LAMA4: variants seen among roughly 807,000 people sequenced by gnomAD.
LAMA4 encodes laminin subunit alpha-4.
A neutral mutation model predicts 207.1 loss-of-function variants in LAMA4; 127 were observed. The ratio of observed to expected loss-of-function variants is 0.61; its 90% confidence interval spans 0.53 to 0.71. The LOEUF (loss-of-function observed/expected upper bound fraction) is 0.71. LAMA4 is among the 30% of genes least tolerant of loss of function. The probability of loss-of-function intolerance (pLI) is 0.00; values close to 1 mark genes in which losing one functional copy is unlikely to be tolerated. For synonymous variants in LAMA4, 761 were observed against 816.0 expected (o/e 0.93, Z 1.15); for missense variants, 2,093 against 2,246.5 (o/e 0.93, Z 1.38).
At chr6:112,233,753 T>C (rs73764721) in intron 2 of LAMA4, among the ~76,000 whole-genome samples, 6,749 of 152,270 alleles carry the variant, frequency 0.044, 519 homozygotes, top group African/African-American at 0.15. Flanking sequence ...TTATATTCTG[T>C]CTGTTGTTTC....
chr6:112,141,632 C>G, intron 20 of LAMA4, 129 bp from the exon 21 acceptor site: 2 of 749,586 alleles, frequency 2.7e-6, no homozygotes, highest in Non-Finnish European at 4.6e-6. Context: ...AATTATTATC[C>G]GAAGCTCCTG....
chr6:112,200,133 C>G (rs529606422), intron 5 of LAMA4: 1 of 533,078 alleles, frequency 1.9e-6, no homozygotes, highest in Admixed American at 1.9e-5. Flanking sequence ...AATATCTTAC[C>G]GAGTCATTCA....
At position 112,122,173 on chromosome 6, in the gene LAMA4, CA is replaced by C; in HGVS notation, c.4315del (p.Trp1439GlyfsTer6). 6.2e-7 allele frequency: 1 copy of C among 1,613,716 alleles called. No homozygotes were observed. Among genetic ancestry groups the C allele is most frequent in the Non-Finnish European group, 8.5e-7 (1 of 1,179,776 alleles). ...KGGKSKDAPS[W>X]DPVALKLPER... Reference sequence around the variant, plus strand: ...TGGGAGTTTCAGAGCAACAGGATCCCATGAAGGTGCATCTTTACTTTTCCCT... The same window carrying C: ...TGGGAGTTTCAGAGCAACAGGATCCCTGAAGGTGCATCTTTACTTTTCCCT... On this transcript the variant is annotated frameshift_variant, in exon 32 of 39. Coordinates refer to ENST00000230538, the MANE Select transcript of LAMA4 (RefSeq NM_001105206.3). LOFTEE classifies it high-confidence loss of function.
intron 10 of LAMA4, 94 bp downstream of exon 10, chr6:112,178,027 C>G: frequency 1.1e-6 from 1 of 906,632 alleles, no homozygotes; most frequent in African/African-American, 1.6e-5. Context: ...TCCTGGCACA[C>G]AGCAAACACT....
intron 10 of LAMA4, among the ~76,000 whole-genome samples, 181 bp downstream of exon 10, chr6:112,177,940 G>A (rs1554344303): frequency 6.6e-6 from 1 of 152,178 alleles, no homozygotes; most frequent in Non-Finnish European, 1.5e-5. Flanking sequence ...AGGGATGAGT[G>A]CTCAGAAATT....
In LAMA4 at chr6:112,254,183, G is replaced by A. The variant is rs1323257479; in HGVS notation, c.-33C>T. On this transcript the variant is annotated 5_prime_UTR_variant, in exon 2 of 39. Transcript: ENST00000230538. ...CTGACATCCAGTAGTGCTCTTCCAGGGCTCGGGCGCTGTGGGTCTCCGTAG... is the reference window on the plus strand; with the variant it reads ...CTGACATCCAGTAGTGCTCTTCCAGAGCTCGGGCGCTGTGGGTCTCCGTAG... 4.3e-6 allele frequency: 7 copies of A among 1,611,584 alleles called. No homozygotes were observed. The highest frequency in any genetic ancestry group is 3.7e-4 in the Middle Eastern group (2 of 5,378).
chr6:112,167,403 AAAC>A (rs1353583378), intron 12 of LAMA4, among the ~76,000 whole-genome samples: 2 of 152,172 alleles, frequency 1.3e-5, no homozygotes, highest in Non-Finnish European at 2.9e-5. Flanking sequence ...CTGTGTCTCA[AAAC>A]AACAACAACA....
intron 6 of LAMA4, among the ~76,000 whole-genome samples, chr6:112,191,245 G>A (rs1482999720): frequency 6.6e-6 from 1 of 151,942 alleles, no homozygotes; most frequent in African/African-American, 2.4e-5. Flanking sequence ...GCCTCCCAAA[G>A]TGCTGGGATT....
chr6:112,198,403 A>C (rs1464280333), intron 5 of LAMA4, among the ~76,000 whole-genome samples: 1 of 152,202 alleles, frequency 6.6e-6, no homozygotes, highest in Non-Finnish European at 1.5e-5. Context: ...GCTCTTTTGG[A>C]GAGGTTCAAG....
intron 25 of LAMA4, 55 bp downstream of exon 25, chr6:112,136,068 C>G (rs781888740): frequency 6.7e-7 from 1 of 1,493,056 alleles, no homozygotes; most frequent in Non-Finnish European, 9.3e-7. Context: ...ATTAGATCAA[C>G]AGATCTAAGT....
At chr6:112,206,983 C>G (rs782613313) in intron 4 of LAMA4, 38 bp downstream of exon 4, 61 of 1,608,096 alleles carry the variant, frequency 3.8e-5, no homozygotes, top group Non-Finnish European at 5.2e-5. Flanking sequence ...AATACATAGA[C>G]TGATCATTAG....
At chr6:112,136,052 T>G (rs952668102) in intron 25 of LAMA4, 71 bp downstream of exon 25, 8 of 1,395,518 alleles carry the variant, frequency 5.7e-6, no homozygotes, top group Non-Finnish European at 8.1e-6. Flanking sequence ...CTCATTTGAC[T>G]GCCTGATTAG....
intron 4 of LAMA4, among the ~76,000 whole-genome samples, chr6:112,203,079 AAGGCAGACTCGGTGGCAG>A (rs1276557341): frequency 6.6e-6 from 1 of 152,186 alleles, no homozygotes; most frequent in Non-Finnish European, 1.5e-5. Flanking sequence ...CTCTGTGGCG[AAGGCAGACTCGGTGGCAG>A]GGCCAGCCCT....
intron 31 of LAMA4, among the ~76,000 whole-genome samples, chr6:112,127,452 A>G (rs11153343): frequency 0.23 from 34,166 of 151,706 alleles, 4,029 homozygotes; most frequent in East Asian, 0.32. Context: ...GCCTGAATAA[A>G]GAACCTAAGG....
At chr6:112,123,948 G>A (rs1274014246) in intron 31 of LAMA4, among the ~76,000 whole-genome samples, 4 of 152,150 alleles carry the variant, frequency 2.6e-5, no homozygotes, top group African/African-American at 7.2e-5. Flanking sequence ...ACAGATAATG[G>A]CCATAGCTTC....
At position 112,247,098 on chromosome 6, in the gene LAMA4, G is replaced by T. The variant is rs782225687; in HGVS notation, c.195+6858C>A. ...TTACCTGAAGATAGACAGAGGCAGA[G>T]AGTGGAAAAATGAGGGAAAGGAAGG... is the stretch of plus-strand genomic sequence containing the variant. On this transcript the variant is annotated intron_variant, in intron 2 of 38. Coordinates refer to ENST00000230538, the MANE Select transcript of LAMA4 (RefSeq NM_001105206.3). 3.3e-5 allele frequency among the ~76,000 whole-genome samples: 5 copies of T among 152,194 alleles called. No homozygotes were observed. The South Asian group carries it at 1.0e-3, about 32-fold the overall frequency.
chr6:112,209,137 A>G (rs1332504985), intron 3 of LAMA4, among the ~76,000 whole-genome samples: 1 of 152,178 alleles, frequency 6.6e-6, no homozygotes, highest in East Asian at 1.9e-4. Flanking sequence ...GCCTTACCCA[A>G]CTACCATGAA....
intron 9 of LAMA4, chr6:112,179,820 G>C: frequency 2.2e-6 from 1 of 453,632 alleles, no homozygotes; most frequent in Admixed American, 2.7e-5. Flanking sequence ...TGTAGTCACA[G>C]AGCCCACTGT....
At chr6:112,215,381 T>C (rs1244609589) in intron 3 of LAMA4, among the ~76,000 whole-genome samples, 1 of 152,266 alleles carries the variant, frequency 6.6e-6, no homozygotes, top group Non-Finnish European at 1.5e-5. Context: ...CATCTTAATG[T>C]GTGAATAAAA....
Sources: allele counts gnomAD v4.1 joint callset (sites outside exome capture counted in the v4.1 genomes callset), GRCh38; gene constraint gnomAD v4.1.1; transcripts MANE v1.5; gene names NCBI Gene and HGNC (gene_info 2026-07-23, HGNC 2026-07-21).